Variants in UBL3 observed in about 807,000 individuals in gnomAD.
The protein encoded by UBL3 is ubiquitin-like protein 3.
In UBL3, 6 loss-of-function variants were observed where a neutral mutation model predicts 18.4. The observed-to-expected ratio is 0.33, with a 90% CI of 0.18 to 0.64. The LOEUF (loss-of-function observed/expected upper bound fraction) is 0.64, where lower values mean the gene tolerates loss of function less well. Among genes scored for constraint, UBL3 ranks in the 30% least tolerant of loss-of-function variants. The pLI is 0.76. For synonymous variants in UBL3, 49 were observed against 46.6 expected (o/e 1.05, Z -0.21); for missense variants, 109 against 142.9 (o/e 0.76, Z 1.21).
chr13:29,786,427 G>C (rs1877319992), intron 1 of UBL3, among the ~76,000 whole-genome samples: 1 of 152,036 alleles, frequency 6.6e-6, no homozygotes, highest in African/African-American at 2.4e-5. Flanking sequence ...GTCTGAGAGG[G>C]AATGGCATTA....
chr13:29,807,645 T>G (rs536066528), intron 1 of UBL3, among the ~76,000 whole-genome samples: 2 of 152,194 alleles, frequency 1.3e-5, no homozygotes, highest in East Asian at 3.9e-4. Context: ...ACTGTAAGTA[T>G]AGTATCTAGT....
intron 1 of UBL3, among the ~76,000 whole-genome samples, chr13:29,782,266 C>G (rs1224239841): frequency 2.0e-5 from 3 of 151,936 alleles, no homozygotes; most frequent in Non-Finnish European, 4.4e-5. Context: ...GAAAACCAAA[C>G]CAAACCAAAA....
At chr13:29,835,145 T>TAC (rs1566001115) in intron 1 of UBL3, among the ~76,000 whole-genome samples, 1 of 14,254 alleles carries the variant, frequency 7.0e-5, no homozygotes, top group Non-Finnish European at 1.3e-4. Context: ...TATATATATA[T>TAC]ATATATATAT....
intron 1 of UBL3, among the ~76,000 whole-genome samples, chr13:29,845,288 T>G (rs1015906084): frequency 6.6e-6 from 1 of 152,062 alleles, no homozygotes; most frequent in African/African-American, 2.4e-5. Flanking sequence ...AAGTAAAAAT[T>G]CAGAGAAACA....
intron 1 of UBL3, among the ~76,000 whole-genome samples, chr13:29,798,693 T>C (rs1408928956): frequency 6.6e-6 from 1 of 152,212 alleles, no homozygotes; most frequent in Non-Finnish European, 1.5e-5. Context: ...AACTTCTAAG[T>C]AGTCATACTT....
At position 29,828,575 on chromosome 13, in the gene UBL3, G is replaced by A. The variant is rs577765910; in HGVS notation, c.27+20937C>T. Among the ~76,000 whole-genome samples the A allele has an allele frequency of 2.3e-3, 348 of 152,202 alleles. 2 individuals carry two copies. The highest frequency in any genetic ancestry group is 8.1e-3 in the African/African-American group (335 of 41,510). The stretch of plus-strand genomic sequence containing the variant: ...CACTGGTTATTCTAGTTAGCCATTC[G>A]TCTAATCTTTTTTCAAGGTTTTTAG... On this transcript the variant is annotated intron_variant, in intron 1 of 4. Transcript: ENST00000380680.
intron 4 of UBL3, 84 bp from the exon 5 acceptor site, chr13:29,767,391 A>T (rs1876718935): frequency 1.3e-6 from 2 of 1,481,536 alleles, no homozygotes; most frequent in African/African-American, 2.8e-5. Flanking sequence ...TGTAGGAAGT[A>T]GTAGTTTTGA....
chr13:29,847,577 C>T (rs1879259800), intron 1 of UBL3, among the ~76,000 whole-genome samples: 1 of 152,200 alleles, frequency 6.6e-6, no homozygotes, highest in Non-Finnish European at 1.5e-5. Context: ...ACTGATGCCA[C>T]GCACATTCCA....
chr13:29,794,627 T>C (rs1455527056), intron 1 of UBL3, among the ~76,000 whole-genome samples: 1 of 152,250 alleles, frequency 6.6e-6, no homozygotes, highest in African/African-American at 2.4e-5. Context: ...CTTTTATTTT[T>C]CCTCCATTCA....
chr13:29,846,993 C>T (rs923655353), intron 1 of UBL3, among the ~76,000 whole-genome samples: 1 of 152,076 alleles, frequency 6.6e-6, no homozygotes, highest in African/African-American at 2.4e-5. Context: ...AGGTTTGGAG[C>T]GGTAAATTGT....
intron 1 of UBL3, among the ~76,000 whole-genome samples, chr13:29,780,055 C>T (rs1877106903): frequency 6.6e-6 from 1 of 151,976 alleles, no homozygotes; most frequent in Admixed American, 6.6e-5. Flanking sequence ...TTGAATAATA[C>T]ACACAAAGAA....
Position 29,819,702 on chromosome 13 carries a change from T to C in UBL3, c.27+29810A>G, listed in dbSNP as rs144337527. ...CTACCAGAAAAGACATCACTTTTTT[T>C]AAAAAAGGTAAAAGTTAGAAGAGAA... On this transcript the variant is annotated intron_variant, in intron 1 of 4. Coordinates refer to ENST00000380680, the MANE Select transcript of UBL3 (RefSeq NM_007106.4). 3.3e-3 allele frequency among the ~76,000 whole-genome samples: 498 copies of C among 152,244 alleles called. 2 individuals carry two copies. The highest frequency in any genetic ancestry group is 0.011 in the African/African-American group (469 of 41,554).
intron 1 of UBL3, among the ~76,000 whole-genome samples, chr13:29,825,532 T>C (rs1356099248): frequency 6.6e-6 from 1 of 152,242 alleles, no homozygotes; most frequent in African/African-American, 2.4e-5. Flanking sequence ...AGAATGCTTG[T>C]GATTTTTGCA....
chr13:29,826,227 G>A (rs1284071499), intron 1 of UBL3, among the ~76,000 whole-genome samples: 3 of 152,154 alleles, frequency 2.0e-5, no homozygotes, highest in African/African-American at 7.2e-5. Context: ...GAGTTAGGGA[G>A]GATTCCCTCT....
intron 1 of UBL3, among the ~76,000 whole-genome samples, chr13:29,824,118 A>G (rs545071269): frequency 2.8e-4 from 43 of 152,190 alleles, no homozygotes; most frequent in South Asian, 1.0e-3. Context: ...TGATGGACAT[A>G]TGGGTTGGTT....
chr13:29,790,901 G>A (rs966407973), intron 1 of UBL3, among the ~76,000 whole-genome samples: 5 of 152,008 alleles, frequency 3.3e-5, no homozygotes, highest in Non-Finnish European at 7.4e-5. Context: ...CCCAGTCCCT[G>A]CTCCATCCTT....
intron 1 of UBL3, among the ~76,000 whole-genome samples, chr13:29,814,747 T>C (rs1028538123): frequency 2.6e-5 from 4 of 152,148 alleles, no homozygotes; most frequent in Non-Finnish European, 5.9e-5. Flanking sequence ...TGATTGGCCA[T>C]GTGTGGTTGC....
chr13:29,767,564 T>C (rs1011560121), intron 4 of UBL3, 54 bp downstream of exon 4: 10 of 1,583,006 alleles, frequency 6.3e-6, no homozygotes, highest in Admixed American at 1.7e-5. Context: ...CCTAGCATTT[T>C]TGAATGCCTG....
chr13:29,835,686 C>T (rs1162251866), intron 1 of UBL3, among the ~76,000 whole-genome samples: 4 of 126,776 alleles, frequency 3.2e-5, no homozygotes, highest in African/African-American at 6.0e-5. Context: ...ACCTGGGAGG[C>T]GGAGGTTGCA....
Sources: gnomAD v4.1 joint callset for allele counts (sites outside exome capture counted in the v4.1 genomes callset) on GRCh38, gnomAD v4.1.1 for gene constraint, MANE v1.5 for transcripts, NCBI Gene and HGNC (gene_info 2026-07-23, HGNC 2026-07-21) for gene names.